The following CENPE variants were observed in gnomAD, a reference collection of about 807,000 sequenced individuals.
CENPE encodes centromere-associated protein E.
CENPE carries 145 observed loss-of-function variants against 336.1 expected under a neutral mutation model. That is an observed-to-expected ratio of 0.43 (90% CI 0.38 to 0.50). CENPE has a LOEUF of 0.50. Among genes scored for constraint, CENPE ranks in the 20% least tolerant of loss-of-function variants. The pLI is 0.00. For missense variants in CENPE, 2,719 were observed against 3,023.3 expected, an observed-to-expected ratio of 0.90 and a Z score of 2.36; for synonymous variants, 1,013 against 984.8, an observed-to-expected ratio of 1.03 and a Z score of -0.54.
chr4:103,163,694 A>T, intron 16 of CENPE, 141 bp from the exon 17 acceptor site: 1 of 464,138 alleles, frequency 2.2e-6, no homozygotes, highest in Non-Finnish European at 3.9e-6. Context: ...GACTGAGATC[A>T]ATTGTTCAAG....
At chr4:103,116,451 TA>T (rs1163095270) in intron 45 of CENPE, 125 bp downstream of exon 45, 7 of 518,152 alleles carry the variant, frequency 1.4e-5, no homozygotes, top group African/African-American at 1.2e-4. Flanking sequence ...TGTACATTTT[TA>T]AAAAAAGAGC....
In CENPE at chr4:103,151,297, G is replaced by A. The variant is rs754057484; in HGVS notation, c.3318C>T (p.Asn1106=). 6.2e-7 allele frequency: 1 copy of A among 1,605,616 alleles called. No individual in the cohort carries two copies. The highest frequency in any genetic ancestry group is 8.5e-7 in the Non-Finnish European group (1 of 1,177,990). ...KQQEIVAQEK[N]HAIKKEGELS... Reference sequence around the variant, plus strand: ...GCTCTCCTTCTTTCTTTATGGCATGGTTCTTTTCTTGTGCAACTATCTCTT... The same window carrying A: ...GCTCTCCTTCTTTCTTTATGGCATGATTCTTTTCTTGTGCAACTATCTCTT... Residue 1106 remains asparagine, a synonymous_variant, in exon 26 of 49, where the codon AAC becomes AAT. Transcript: ENST00000265148.
rs187526024 is a variant in CENPE, at chr4:103,120,924, C to T, written c.7144-591G>A. On this transcript the variant is annotated intron_variant, in intron 43 of 48. Transcript: ENST00000265148. ...CTAATTTTTGTACTTTTAGTAGAGACGGGGTTTCACCACGTTGGCCAGGCT... is the reference window on the plus strand; with the variant it reads ...CTAATTTTTGTACTTTTAGTAGAGATGGGGTTTCACCACGTTGGCCAGGCT... Among the ~76,000 whole-genome samples, 297 of 152,118 alleles carry T rather than the reference C, an allele frequency of 2.0e-3. 2 individuals carry two copies. Among genetic ancestry groups the T allele is most frequent in the East Asian group, 8.5e-3 (44 of 5,170 alleles).
chr4:103,144,084 C>T (rs764999760), intron 33 of CENPE, among the ~76,000 whole-genome samples: 7 of 152,026 alleles, frequency 4.6e-5, no homozygotes, highest in Non-Finnish European at 8.8e-5. Flanking sequence ...CTACAGGCGC[C>T]CACCACCACG....
At position 103,138,363 on chromosome 4, in the gene CENPE, G is replaced by GC. The variant is rs767136086; in HGVS notation, c.6290dup (p.Cys2097TrpfsTer3). 1 of 1,608,728 alleles carries GC rather than the reference G, an allele frequency of 6.2e-7. No homozygotes were observed. Among genetic ancestry groups the GC allele is most frequent in the Non-Finnish European group, 8.5e-7 (1 of 1,175,164 alleles). On this transcript the variant is annotated frameshift_variant, in exon 39 of 49. Transcript: ENST00000265148. LOFTEE classifies it high-confidence loss of function. ...AGGGGGTACTTACTTTTATTCTAGA[G>GC]CACTTTTCTCTCAGGCTTTCCGTAA...
Position 103,147,586 on chromosome 4 carries a change from G to A in CENPE, c.3904C>T (p.Gln1302Ter). ...AACTCCAGTTCATTCATTGTTTCCT[G>A]AGTCTCACTGACTTCTTTCACATTA... ...LPNVKEVSET[Q>*]ETMNELELLT... Residue 1302 changes from glutamine to a stop codon, truncating the protein, a stop_gained, in exon 29 of 49, where the codon CAG (glutamine) becomes TAG (stop). Transcript: ENST00000265148. LOFTEE classifies it high-confidence loss of function. 1 of 1,613,682 alleles carries A rather than the reference G, an allele frequency of 6.2e-7. No homozygotes were observed. The highest frequency in any genetic ancestry group is 8.5e-7 in the Non-Finnish European group (1 of 1,179,998).
At chr4:103,189,244 C>G (rs1462062596) in intron 8 of CENPE, among the ~76,000 whole-genome samples, 1 of 152,170 alleles carries the variant, frequency 6.6e-6, no homozygotes, top group African/African-American at 2.4e-5. Context: ...CCTTCTGAAA[C>G]TATTCTAATC....
chr4:103,138,246 G>T (rs1291164978), intron 39 of CENPE, 105 bp downstream of exon 39: 13 of 757,830 alleles, frequency 1.7e-5, no homozygotes, highest in Non-Finnish European at 2.6e-5. Context: ...AAAATACTGA[G>T]CACTATCTAT....
chr4:103,184,963 C>T (rs1756636358), intron 9 of CENPE, among the ~76,000 whole-genome samples: 1 of 152,036 alleles, frequency 6.6e-6, no homozygotes, highest in Non-Finnish European at 1.5e-5. Context: ...TTTAAGTATG[C>T]TTCTCCATTT....
Position 103,196,062 on chromosome 4 carries a change from C to T in CENPE, c.239-24G>A, listed in dbSNP as rs76762451. ...ACCTGCAAAAAACAAAACACACATA[C>T]GCAAAGATTAAAAACAAACCTATAA... On this transcript the variant is annotated intron_variant, in intron 3 of 48. Transcript: ENST00000265148. The T allele has an allele frequency of 3.9e-3, 6,180 of 1,595,376 alleles. 134 individuals carry two copies. In the African/African-American group the frequency reaches 0.059, roughly 15 times the overall value.
Position 103,123,050 on chromosome 4 carries a change from C to T in CENPE, c.6964G>A (p.Ala2322Thr), listed in dbSNP as rs779493574. 24 of 1,613,776 alleles carry T rather than the reference C, an allele frequency of 1.5e-5. No individual in the cohort carries two copies. Among genetic ancestry groups the T allele is most frequent in the Non-Finnish European group, 2.0e-5 (24 of 1,179,880 alleles). Residue 2322 changes from alanine (A) to threonine (T), a missense_variant, in exon 43 of 49, where the codon GCT becomes ACT. Ala to Thr is a moderately conservative substitution (Grantham distance 58, BLOSUM62 0). Around this residue, in one of 5 missense-constraint regions of CENPE, gnomAD observed 2,437 missense variants for 2,513.3 expected, o/e 0.97. Coordinates refer to ENST00000265148, the MANE Select transcript of CENPE (RefSeq NM_001813.3). ...TGTTCCCACTCTTTGGATATGGTAG[C>T]ACTTCTTTCCTCAAACTCTGTTGAT... ...NESTEFEERS[A>T]TISKEWEQDL... is the part of the protein sequence containing the mutation.
chr4:103,172,767 A>T (rs561293506), intron 16 of CENPE, among the ~76,000 whole-genome samples: 3 of 151,936 alleles, frequency 2.0e-5, no homozygotes, highest in Admixed American at 6.6e-5. Context: ...AAATCAACAT[A>T]AAAAAAAGTA....
At chr4:103,185,501 C>T (rs1479304221) in intron 9 of CENPE, among the ~76,000 whole-genome samples, 3 of 151,800 alleles carry the variant, frequency 2.0e-5, no homozygotes, top group Non-Finnish European at 4.4e-5. Context: ...CATTATCTTT[C>T]TTAATTTCCT....
chr4:103,181,694 C>T (rs1756338647), intron 11 of CENPE: 3 of 292,374 alleles, frequency 1.0e-5, no homozygotes, highest in Admixed American at 5.7e-5. Context: ...AAAACATCAG[C>T]TTATTGGAAT....
chr4:103,164,209 A>G (rs764491337), intron 16 of CENPE, among the ~76,000 whole-genome samples: 4 of 152,120 alleles, frequency 2.6e-5, no homozygotes, highest in African/African-American at 7.2e-5. Flanking sequence ...AAGTATTTCT[A>G]TTGAGGTGTC....
At chr4:103,107,011 G>T (rs1748956744) in intron 48 of CENPE, among the ~76,000 whole-genome samples, 1 of 152,124 alleles carries the variant, frequency 6.6e-6, no homozygotes, top group African/African-American at 2.4e-5. Flanking sequence ...TATTAAAAAA[G>T]GACTCAAACA....
intron 45 of CENPE, among the ~76,000 whole-genome samples, chr4:103,115,285 C>T (rs143170546): frequency 0.011 from 1,636 of 152,206 alleles, 23 homozygotes; most frequent in African/African-American, 0.034. Flanking sequence ...AGGCACCTGC[C>T]ACCACGCCTG....
In CENPE at chr4:103,147,622, C is replaced by T. The variant is rs1471308008; in HGVS notation, c.3868G>A (p.Glu1290Lys). 6.8e-6 allele frequency: 11 copies of T among 1,612,342 alleles called. No homozygotes were observed. The African/African-American group carries it at 1.5e-4, about 22-fold the overall frequency. Residue 1290 changes from glutamate to lysine, a missense_variant, in exon 29 of 49, where the codon GAG becomes AAG. Physicochemically the swap from Glu to Lys is moderately conservative, Grantham distance 56 (BLOSUM62 1). Around this residue, in one of 5 missense-constraint regions of CENPE, gnomAD observed 2,437 missense variants for 2,513.3 expected, o/e 0.97. Transcript: ENST00000265148. The stretch of plus-strand genomic sequence containing the variant: ...ACTTCTTTCACATTAGGCAGTAACT[C>T]TTGTTCCTCATGAAGCACTGGGATC... ...EEIPVLHEEQ[E>K]LLPNVKEVSE...
intron 8 of CENPE, among the ~76,000 whole-genome samples, chr4:103,193,208 A>G (rs1166034412): frequency 6.6e-6 from 1 of 152,144 alleles, no homozygotes; most frequent in Non-Finnish European, 1.5e-5. Context: ...AAGAGTATTA[A>G]AGCTAAATTA....
Sources: gnomAD v4.1 joint callset for allele counts (sites outside exome capture counted in the v4.1 genomes callset) on GRCh38, gnomAD v4.1.1 for gene constraint, gnomAD v4.1.1 regional missense constraint, MANE v1.5 for transcripts, NCBI Gene and HGNC (gene_info 2026-07-23, HGNC 2026-07-21) for gene names.